The following CPHXL2 variants were observed in gnomAD, a reference collection of about 807,000 sequenced individuals.
CPHXL2 encodes cytoplasmic polyadenylated homeobox-like protein 2.
At chr16:75,673,994 A>T in the CPHXL2 span, among the ~76,000 whole-genome samples, 1 of 148,032 alleles carries the variant, frequency 6.8e-6, no homozygotes, top group Non-Finnish European at 1.5e-5. Flanking sequence ...AAAAAAAAAA[A>T]GATAAAAAAA....
At chr16:75,673,633 G>A in the CPHXL2 span, among the ~76,000 whole-genome samples, 10 of 151,960 alleles carry the variant, frequency 6.6e-5, no homozygotes, top group Non-Finnish European at 1.0e-4. Flanking sequence ...AAAAGAAACC[G>A]GAGTTTTCTT....
At chr16:75,666,016 A>G in the CPHXL2 span, among the ~76,000 whole-genome samples, 4 of 152,218 alleles carry the variant, frequency 2.6e-5, no homozygotes, top group African/African-American at 9.6e-5. Flanking sequence ...CACCAATCAC[A>G]TATCTGCTGC....
At chr16:75,667,083 G>A in the CPHXL2 span, among the ~76,000 whole-genome samples, 1 of 151,782 alleles carries the variant, frequency 6.6e-6, no homozygotes, top group Non-Finnish European at 1.5e-5. Flanking sequence ...AGGCTGAGGC[G>A]GGCAGATCAC....
chr16:75,674,277 G>A, the CPHXL2 span, among the ~76,000 whole-genome samples: 1 of 149,390 alleles, frequency 6.7e-6, no homozygotes, highest in African/African-American at 2.5e-5. Flanking sequence ...GGAGGCTGAG[G>A]CAGGACAATG....
the CPHXL2 span, chr16:75,669,651 C>T: frequency 2.5e-6 from 1 of 397,082 alleles, no homozygotes; most frequent in Non-Finnish European, 4.4e-6. Context: ...CCTCCCCTTC[C>T]CAAGTTGAAA....
At chr16:75,664,524 C>T in the CPHXL2 span, among the ~76,000 whole-genome samples, 1 of 148,374 alleles carries the variant, frequency 6.7e-6, no homozygotes, top group South Asian at 2.1e-4. Context: ...ACTTGGGAGG[C>T]TAAGGCAGGA....
the CPHXL2 span, among the ~76,000 whole-genome samples, chr16:75,662,663 A>G: frequency 6.6e-6 from 1 of 152,152 alleles, no homozygotes; most frequent in African/African-American, 2.4e-5. Flanking sequence ...CAATTTGTCT[A>G]ATCTTTATTT....
chr16:75,661,464 T>C, the CPHXL2 span, among the ~76,000 whole-genome samples: 1 of 152,048 alleles, frequency 6.6e-6, no homozygotes, highest in Non-Finnish European at 1.5e-5. Flanking sequence ...TCTAGAACCA[T>C]AACCTCCTTC....
chr16:75,670,392 C>G, the CPHXL2 span, among the ~76,000 whole-genome samples: 673 of 152,258 alleles, frequency 4.4e-3, 5 homozygotes, highest in African/African-American at 0.015. Flanking sequence ...ACTAAGTTCT[C>G]TCTATCTGAG....
At chr16:75,675,698 T>A in the CPHXL2 span, among the ~76,000 whole-genome samples, 3 of 152,140 alleles carry the variant, frequency 2.0e-5, no homozygotes, top group East Asian at 5.8e-4. Context: ...ATCCCAAAGT[T>A]TTTATGGTTG....
the CPHXL2 span, among the ~76,000 whole-genome samples, chr16:75,667,776 A>C: frequency 1.3e-5 from 2 of 152,204 alleles, no homozygotes; most frequent in South Asian, 4.1e-4. Context: ...TTCCACTTGT[A>C]TATTTATCTG....
chr16:75,674,206 T>A, the CPHXL2 span, among the ~76,000 whole-genome samples: 2 of 150,824 alleles, frequency 1.3e-5, no homozygotes, highest in Non-Finnish European at 3.0e-5. Flanking sequence ...ACCCCATCTC[T>A]ACTAAAAATA....
the CPHXL2 span, chr16:75,669,343 G>A: frequency 1.1e-4 from 43 of 399,458 alleles, no homozygotes; most frequent in East Asian, 1.2e-3. Flanking sequence ...TAAGAAACAT[G>A]CATACGAGGT....
the CPHXL2 span, among the ~76,000 whole-genome samples, chr16:75,665,374 C>T: frequency 6.6e-6 from 1 of 152,174 alleles, no homozygotes; most frequent in African/African-American, 2.4e-5. Flanking sequence ...AATTTTGTAT[C>T]CAGTGAAAGT....
the CPHXL2 span, chr16:75,660,794 G>C: frequency 2.5e-6 from 1 of 398,556 alleles, no homozygotes; most frequent in Non-Finnish European, 4.4e-6. Flanking sequence ...ATTCTGCAGA[G>C]TTGTAGCTGA....
the CPHXL2 span, among the ~76,000 whole-genome samples, chr16:75,672,263 AGT>A: frequency 2.0e-5 from 3 of 151,154 alleles, no homozygotes; most frequent in African/African-American, 7.3e-5. Context: ...TGGGCTACAG[AGT>A]GAGACTCCAT....
the CPHXL2 span, among the ~76,000 whole-genome samples, chr16:75,676,641 A>G: frequency 1.4e-4 from 22 of 152,234 alleles, no homozygotes; most frequent in Non-Finnish European, 2.5e-4. Flanking sequence ...CTCTGCTTTA[A>G]TAATTATTAA....
the CPHXL2 span, among the ~76,000 whole-genome samples, chr16:75,662,796 CTT>C: frequency 2.6e-4 from 32 of 123,132 alleles, no homozygotes; most frequent in East Asian, 1.5e-3. Context: ...GGAGATAATT[CTT>C]TTTTTTTTTT....
At chr16:75,673,911 C>A in the CPHXL2 span, among the ~76,000 whole-genome samples, 2 of 145,042 alleles carry the variant, frequency 1.4e-5, no homozygotes, top group African/African-American at 2.6e-5. Flanking sequence ...GCCTGGGAGG[C>A]GGAGGTTGCA....
Sources: gnomAD v4.1 joint callset for allele counts (sites outside exome capture counted in the v4.1 genomes callset) on GRCh38, gnomAD v4.1.1 for gene constraint, MANE v1.5 for transcripts, NCBI Gene and HGNC (gene_info 2026-07-23, HGNC 2026-07-21) for gene names.